RABGAP1L: variants seen among roughly 807,000 people sequenced by gnomAD.
RABGAP1L encodes the protein rab GTPase-activating protein 1-like.
RABGAP1L carries 63 observed loss-of-function variants against 137.7 expected under a neutral mutation model. The ratio of observed to expected loss-of-function variants is 0.46; its 90% CI spans 0.37 to 0.56. The LOEUF is 0.56. Ranked by LOEUF, RABGAP1L falls within the 20% of genes least tolerant of loss-of-function variation. The pLI, the probability that RABGAP1L is intolerant of heterozygous loss-of-function variation, is 0.00. For synonymous variants in RABGAP1L, 431 were observed against 433.7 expected (o/e 0.99, Z 0.08); for missense variants, 1,095 against 1,244.0 (o/e 0.88, Z 1.80).
At chr1:174,329,662 G>C (rs979347384) in intron 11 of RABGAP1L, among the ~76,000 whole-genome samples, 1 of 152,120 alleles carries the variant, frequency 6.6e-6, no homozygotes, top group Admixed American at 6.5e-5. Flanking sequence ...GGAATGTAAA[G>C]ATGGTTTAAC....
chr1:174,183,505 G>A (rs1666547212), intron 1 of RABGAP1L, among the ~76,000 whole-genome samples: 1 of 152,198 alleles, frequency 6.6e-6, no homozygotes, highest in African/African-American at 2.4e-5. Context: ...AGTACAGACA[G>A]TTCCTGCATA....
chr1:174,384,166 A>T (rs1290094749), intron 12 of RABGAP1L, among the ~76,000 whole-genome samples: 1 of 152,256 alleles, frequency 6.6e-6, no homozygotes, highest in Non-Finnish European at 1.5e-5. Context: ...GACCTATGCC[A>T]AAGTCAAGTG....
chr1:174,936,956 ATTT>A (rs1056040142), intron 19 of RABGAP1L, among the ~76,000 whole-genome samples: 22 of 146,354 alleles, frequency 1.5e-4, no homozygotes, highest in African/African-American at 5.2e-4. Flanking sequence ...AAGGACCATA[ATTT>A]TTATAAGATT....
intron 11 of RABGAP1L, among the ~76,000 whole-genome samples, chr1:174,309,050 C>T (rs1424615464): frequency 6.6e-6 from 1 of 151,984 alleles, no homozygotes; most frequent in African/African-American, 2.4e-5. Context: ...AAATTTCTGT[C>T]ATCAATGTCT....
intron 13 of RABGAP1L, among the ~76,000 whole-genome samples, chr1:174,589,638 T>A (rs1403987866): frequency 6.6e-6 from 1 of 152,192 alleles, no homozygotes; most frequent in Non-Finnish European, 1.5e-5. Context: ...TTTTTATATA[T>A]GTCGAGAGAA....
intron 18 of RABGAP1L, among the ~76,000 whole-genome samples, chr1:174,769,373 A>C (rs1422616711): frequency 9.9e-5 from 15 of 151,824 alleles, no homozygotes; most frequent in Admixed American, 9.8e-4. Flanking sequence ...CATGCAAAAA[A>C]CCTGAAAAGA....
intron 18 of RABGAP1L, among the ~76,000 whole-genome samples, chr1:174,797,261 A>G (rs1240244919): frequency 6.6e-6 from 1 of 152,136 alleles, no homozygotes; most frequent in African/African-American, 2.4e-5. Flanking sequence ...GTCAACTAGA[A>G]AAAAATCCTA....
At chr1:174,605,950 C>A (rs902624348) in intron 13 of RABGAP1L, among the ~76,000 whole-genome samples, 49 of 152,194 alleles carry the variant, frequency 3.2e-4, no homozygotes, top group African/African-American at 1.1e-3. Flanking sequence ...CAGTCTTCAC[C>A]CTGAATTTGA....
At chr1:174,188,142 T>A (rs776212988) in intron 1 of RABGAP1L, among the ~76,000 whole-genome samples, 1 of 152,220 alleles carries the variant, frequency 6.6e-6, no homozygotes, top group Non-Finnish European at 1.5e-5. Context: ...ATATTAGGTC[T>A]ATAGAGTGTG....
intron 19 of RABGAP1L, among the ~76,000 whole-genome samples, chr1:174,887,967 G>A (rs1655445208): frequency 6.6e-6 from 1 of 152,044 alleles, no homozygotes; most frequent in South Asian, 2.1e-4. Context: ...AACCTGGGAG[G>A]CAGAGGTTGC....
At position 174,549,420 on chromosome 1, in the gene RABGAP1L, A is replaced by G. The variant is rs193159242; in HGVS notation, c.1711-87955A>G. ...TGAAAGATAACATAAGAAAGCATTA[A>G]AGGGGGAGACTGGATTTTAAACATT... On this transcript the variant is annotated intron_variant, in intron 13 of 25. Coordinates refer to ENST00000681986, the MANE Select transcript of RABGAP1L (RefSeq NM_001366446.1). Among the ~76,000 whole-genome samples, 21 of 152,280 alleles carry G rather than the reference A, an allele frequency of 1.4e-4. No individual in the cohort carries two copies. In the East Asian group the frequency reaches 3.7e-3, roughly 27 times the overall value.
chr1:174,588,746 T>C (rs891422474), intron 13 of RABGAP1L, among the ~76,000 whole-genome samples: 1 of 152,160 alleles, frequency 6.6e-6, no homozygotes, highest in Non-Finnish European at 1.5e-5. Flanking sequence ...TAATGTCTTT[T>C]AGTTCTATCT....
chr1:174,828,751 A>G (rs892309750), intron 19 of RABGAP1L, among the ~76,000 whole-genome samples: 1 of 148,360 alleles, frequency 6.7e-6, no homozygotes, highest in South Asian at 2.2e-4. Flanking sequence ...TGCAGGTCAA[A>G]CATCACCTGC....
In RABGAP1L at chr1:174,952,522, AATG is replaced by A. The variant is rs1329520305; in HGVS notation, c.2341-4929_2341-4927del. On this transcript the variant is annotated intron_variant, in intron 19 of 25. Coordinates refer to ENST00000681986, the MANE Select transcript of RABGAP1L (RefSeq NM_001366446.1). Reference sequence around the variant, plus strand: ...CAAGACCCTGTCTCTTAAAAAAAAAAATGATGATTGAGTTTGATAATCAGGAAA... The same window carrying A: ...CAAGACCCTGTCTCTTAAAAAAAAAAATGATTGAGTTTGATAATCAGGAAA... Among the ~76,000 whole-genome samples, 26 of 152,080 alleles carry A rather than the reference AATG, an allele frequency of 1.7e-4. No homozygotes were observed. In the East Asian group the frequency reaches 3.5e-3, roughly 20 times the overall value.
intron 13 of RABGAP1L, among the ~76,000 whole-genome samples, chr1:174,450,417 GTTGT>G (rs1467070596): frequency 6.6e-6 from 1 of 152,064 alleles, no homozygotes; most frequent in Non-Finnish European, 1.5e-5. Flanking sequence ...ATAGATCAAT[GTTGT>G]TTAAGTTGTC....
intron 13 of RABGAP1L, among the ~76,000 whole-genome samples, chr1:174,474,961 T>G (rs1472994290): frequency 6.6e-6 from 1 of 152,092 alleles, no homozygotes. Context: ...TTATGATAAA[T>G]AAAGAAATGA....
At chr1:174,539,570 G>A (rs1004127752) in intron 13 of RABGAP1L, among the ~76,000 whole-genome samples, 1 of 152,106 alleles carries the variant, frequency 6.6e-6, no homozygotes, top group Non-Finnish European at 1.5e-5. Flanking sequence ...GTGATAGTTT[G>A]CTCAGAATGA....
chr1:174,766,887 C>T (rs1257619258), intron 18 of RABGAP1L, among the ~76,000 whole-genome samples: 1 of 152,194 alleles, frequency 6.6e-6, no homozygotes, highest in Non-Finnish European at 1.5e-5. Context: ...GTCTGTTAAA[C>T]ATTTACAATC....
intron 13 of RABGAP1L, among the ~76,000 whole-genome samples, chr1:174,474,765 G>A (rs1658319879): frequency 6.6e-6 from 1 of 152,030 alleles, no homozygotes; most frequent in African/African-American, 2.4e-5. Context: ...ACCACGCCCA[G>A]CTAATTTTTG....
Sources: gnomAD v4.1 joint callset for allele counts (sites outside exome capture counted in the v4.1 genomes callset) on GRCh38, gnomAD v4.1.1 for gene constraint, MANE v1.5 for transcripts, NCBI Gene and HGNC (gene_info 2026-07-23, HGNC 2026-07-21) for gene names.